STAM: variants seen among roughly 807,000 people sequenced by gnomAD.
STAM encodes signal transducing adapter molecule 1.
Under a neutral mutation model 63.4 loss-of-function variants are expected in STAM, and 16 were observed. That is an observed-to-expected ratio of 0.25 (90% CI 0.17 to 0.38). The LOEUF (loss-of-function observed/expected upper bound fraction) is 0.38. Among genes scored for constraint, STAM ranks in the 10% least tolerant of loss-of-function variants. The pLI is 1.00. For missense variants in STAM, 636 were observed against 657.1 expected, an observed-to-expected ratio of 0.97 and a Z score of 0.35; for synonymous variants, 238 against 223.9, an observed-to-expected ratio of 1.06 and a Z score of -0.56.
chr10:17,680,094 TG>T (rs1835020201), intron 2 of STAM, among the ~76,000 whole-genome samples: 1 of 152,194 alleles, frequency 6.6e-6, no homozygotes, highest in South Asian at 2.1e-4. Flanking sequence ...CTCTCTTTAT[TG>T]TTTCCCTCCT....
intron 5 of STAM, among the ~76,000 whole-genome samples, chr10:17,691,962 C>T (rs1835554854): frequency 6.6e-6 from 1 of 152,200 alleles, no homozygotes; most frequent in Non-Finnish European, 1.5e-5. Flanking sequence ...ATTACCTCTA[C>T]ATACGTTATA....
At chr10:17,669,101 C>G (rs1390211775) in intron 2 of STAM, among the ~76,000 whole-genome samples, 2 of 152,174 alleles carry the variant, frequency 1.3e-5, no homozygotes, top group Non-Finnish European at 2.9e-5. Context: ...TGGAATTTAT[C>G]CTGTTAGGCA....
chr10:17,712,335 A>G (rs1201179934), intron 13 of STAM, among the ~76,000 whole-genome samples: 1 of 152,222 alleles, frequency 6.6e-6, no homozygotes, highest in African/African-American at 2.4e-5. Context: ...TAGACTCTAT[A>G]TTACGGCAAT....
chr10:17,686,082 A>G (rs1589075788), intron 4 of STAM, among the ~76,000 whole-genome samples: 2 of 152,336 alleles, frequency 1.3e-5, no homozygotes, highest in East Asian at 1.9e-4. Flanking sequence ...TTCGAACATC[A>G]TGGTTAAATG....
chr10:17,675,697 A>G (rs909841700), intron 2 of STAM, among the ~76,000 whole-genome samples: 2 of 152,170 alleles, frequency 1.3e-5, no homozygotes, highest in South Asian at 2.1e-4. Context: ...CTTGTTCACT[A>G]CTTTATTCCT....
chr10:17,661,104 G>C (rs1834149313), intron 2 of STAM, among the ~76,000 whole-genome samples: 1 of 152,166 alleles, frequency 6.6e-6, no homozygotes, highest in Admixed American at 6.5e-5. Flanking sequence ...TCTGTTGAAA[G>C]ATTAGGGGAA....
At chr10:17,693,495 G>A (rs1278453741) in intron 6 of STAM, among the ~76,000 whole-genome samples, 183 bp downstream of exon 6, 3 of 152,086 alleles carry the variant, frequency 2.0e-5, no homozygotes, top group Non-Finnish European at 4.4e-5. Context: ...TTCAGTCTAT[G>A]TTTTTATGAC....
chr10:17,667,013 C>T (rs1554823480), intron 2 of STAM, among the ~76,000 whole-genome samples: 1 of 152,160 alleles, frequency 6.6e-6, no homozygotes, highest in Non-Finnish European at 1.5e-5. Context: ...GTTTGATTAT[C>T]ACAGCAGTTC....
intron 1 of STAM, among the ~76,000 whole-genome samples, chr10:17,645,033 A>G (rs1010662785): frequency 2.0e-5 from 3 of 152,258 alleles, no homozygotes; most frequent in Non-Finnish European, 4.4e-5. Context: ...GAATCTGGAA[A>G]GAGTTTGAAA....
At chr10:17,690,458 A>T (rs1835482867) in intron 5 of STAM, among the ~76,000 whole-genome samples, 1 of 152,228 alleles carries the variant, frequency 6.6e-6, no homozygotes, top group African/African-American at 2.4e-5. Flanking sequence ...CACCTACAAG[A>T]AATACATATA....
chr10:17,663,027 C>CA (rs1382560299), intron 2 of STAM, among the ~76,000 whole-genome samples: 4 of 152,106 alleles, frequency 2.6e-5, no homozygotes, highest in Non-Finnish European at 4.4e-5. Context: ...TTTGTAGACG[C>CA]TTTCTGTAAT....
rs1049888114 is a variant in STAM at position 17,715,851 on chromosome 10, T to G, written c.*1071T>G. 24 of 152,746 alleles carry G rather than the reference T, an allele frequency of 1.6e-4. No homozygotes were observed. Among genetic ancestry groups the G allele is most frequent in the African/African-American group, 5.5e-4 (23 of 41,588 alleles). 9.5% of individuals were successfully genotyped at this position (152,746 alleles called of 1,614,324 possible). ...CTTGCTAGTATTTTAAATATGTCTT[T>G]AACACATTGTATCCTTTAATTCTTC... On this transcript the variant is annotated 3_prime_UTR_variant, in exon 14 of 14. Coordinates refer to ENST00000377524, the MANE Select transcript of STAM (RefSeq NM_003473.4).
intron 2 of STAM, among the ~76,000 whole-genome samples, chr10:17,670,045 T>G (rs1339953802): frequency 6.6e-6 from 1 of 152,072 alleles, no homozygotes; most frequent in Non-Finnish European, 1.5e-5. Flanking sequence ...TTTCCCTTCT[T>G]AAAGGGTAGA....
intron 2 of STAM, among the ~76,000 whole-genome samples, chr10:17,674,362 G>C (rs1375972902): frequency 4.6e-5 from 7 of 152,180 alleles, no homozygotes; most frequent in African/African-American, 1.7e-4. Context: ...CAGCTGGGCA[G>C]TTCTTGCGTG....
chr10:17,684,669 T>C lies in STAM; in HGVS notation c.126-6T>C, dbSNP rs1554825861. 4.3e-6 allele frequency: 7 copies of C among 1,609,780 alleles called. No individual in the cohort carries two copies. The highest frequency in any genetic ancestry group is 5.9e-6 in the Non-Finnish European group (7 of 1,178,880). On this transcript the variant is annotated splice_polypyrimidine_tract_variant and splice_region_variant and intron_variant, in intron 2 of 13. Coordinates refer to ENST00000377524, the MANE Select transcript of STAM (RefSeq NM_003473.4). The stretch of plus-strand genomic sequence containing the variant: ...TAAGTAATTTTTACTTTTCTCATTT[T>C]TTTAGACCTAAGGATTGTCTTCGGT...
At chr10:17,653,553 G>T (rs782549529) in intron 1 of STAM, among the ~76,000 whole-genome samples, 1 of 152,174 alleles carries the variant, frequency 6.6e-6, no homozygotes, top group Non-Finnish European at 1.5e-5. Context: ...GTGGTTGTTT[G>T]TATCTGGGGG....
rs782317584 is a variant in STAM, at chr10:17,687,989, G to C, written c.298-38G>C. 2.6e-6 allele frequency: 4 copies of C among 1,509,848 alleles called. No homozygotes were observed. In the African/African-American group the frequency reaches 5.6e-5, roughly 21 times the overall value. 93.5% of individuals were successfully genotyped at this position (1,509,848 alleles called of 1,614,324 possible). A position where few individuals can be genotyped will look rare whatever the true frequency, so the allele number is the denominator to read the frequency against. ...ATGTCTGTATTAAATCATTGGCTAGGAAATTGGTGCTCTTTTATTTCTTTT... is the reference window on the plus strand; with the variant it reads ...ATGTCTGTATTAAATCATTGGCTAGCAAATTGGTGCTCTTTTATTTCTTTT... On this transcript the variant is annotated intron_variant, in intron 4 of 13. Transcript: ENST00000377524.
Position 17,695,129 on chromosome 10 carries a change from A to T in STAM, c.616A>T (p.Thr206Ser). The T allele has an allele frequency of 6.2e-7, 1 of 1,614,126 alleles. No homozygotes were observed. The highest frequency in any genetic ancestry group is 8.5e-7 in the Non-Finnish European group (1 of 1,179,990). ...GTATCCAAGCACATCCAGTCTCTTAACTAACCACCAACATGAAGGCCGAAA... is the reference window on the plus strand; with the variant it reads ...GTATCCAAGCACATCCAGTCTCTTATCTAACCACCAACATGAAGGCCGAAA... ...TLYPSTSSLL[T>S]NHQHEGRKVR... Residue 206 changes from threonine to serine, a missense_variant, in exon 7 of 14, where the codon ACT becomes TCT. Thr to Ser is a moderately conservative substitution (Grantham distance 58). Transcript: ENST00000377524.
chr10:17,660,152 G>C (rs1834105413), intron 1 of STAM, among the ~76,000 whole-genome samples: 1 of 152,046 alleles, frequency 6.6e-6, no homozygotes, highest in East Asian at 1.9e-4. Context: ...AATGAAAATA[G>C]TATTTCTTAT....
Sources: gnomAD v4.1 joint callset for allele counts (sites outside exome capture counted in the v4.1 genomes callset) on GRCh38, gnomAD v4.1.1 for gene constraint, MANE v1.5 for transcripts, NCBI Gene and HGNC (gene_info 2026-07-23, HGNC 2026-07-21) for gene names.